The following SMG1 variants were observed in gnomAD, a reference collection of about 807,000 sequenced individuals.
The protein encoded by SMG1 is SMG1 nonsense mediated mRNA decay associated PI3K related kinase, also known as serine/threonine-protein kinase SMG1.
Under a neutral mutation model 419.9 loss-of-function variants are expected in SMG1, and 22 were observed. The observed-to-expected ratio is 0.05, with a 90% CI of 0.04 to 0.07. The LOEUF (loss-of-function observed/expected upper bound fraction) is 0.07. Ranked by LOEUF, SMG1 falls within the 10% of genes least tolerant of loss-of-function variation. The pLI is 1.00. For synonymous variants in SMG1, 1,538 were observed against 1,553.5 expected (o/e 0.99, Z 0.23); for missense variants, 3,185 against 4,342.0 (o/e 0.73, Z 7.49).
chr16:18,895,183 A>G (rs1471528881), intron 3 of SMG1, among the ~76,000 whole-genome samples: 3 of 152,150 alleles, frequency 2.0e-5, no homozygotes, highest in Non-Finnish European at 4.4e-5. Flanking sequence ...AAATGCTATC[A>G]GTGTATTTAA....
At chr16:18,906,267 G>A (rs2037557653) in intron 1 of SMG1, among the ~76,000 whole-genome samples, 1 of 152,100 alleles carries the variant, frequency 6.6e-6, no homozygotes, top group Non-Finnish European at 1.5e-5. Flanking sequence ...TGGATCACTT[G>A]AGGTCAGGAG....
In SMG1 at chr16:18,806,475, A is replaced by C. The variant is rs2030847307; in HGVS notation, c.*3094T>G. The stretch of plus-strand genomic sequence containing the variant: ...GTGTCAGACACAAAAGAATCTTAAT[A>C]ATCATCTAGCAAACTACACTAAGAA... On this transcript the variant is annotated 3_prime_UTR_variant, in exon 63 of 63. Transcript: ENST00000446231. The C allele has an allele frequency of 6.6e-6, 1 of 152,458 alleles. No homozygotes were observed. The highest frequency in any genetic ancestry group is 1.5e-5 in the Non-Finnish European group (1 of 68,036). The allele number at this position is 152,458 out of a possible 1,614,324, so 9.4% of individuals were successfully genotyped here. A position where few individuals can be genotyped will look rare whatever the true frequency, so the allele number is the denominator to read the frequency against.
intron 39 of SMG1, among the ~76,000 whole-genome samples, chr16:18,844,760 GA>G (rs762901026): frequency 3.4e-4 from 52 of 152,166 alleles, no homozygotes; most frequent in Middle Eastern, 3.4e-3. Context: ...ATTCAGTAAG[GA>G]AATCAGTTAG....
At chr16:18,810,095 G>A (rs1038943935) in intron 62 of SMG1, among the ~76,000 whole-genome samples, 1 of 152,016 alleles carries the variant, frequency 6.6e-6, no homozygotes, top group Non-Finnish European at 1.5e-5. Context: ...AATTACGGAT[G>A]CCAAACCATG....
chr16:18,887,971 G>A (rs903292956), intron 6 of SMG1, among the ~76,000 whole-genome samples: 97 of 151,060 alleles, frequency 6.4e-4, no homozygotes, highest in Middle Eastern at 3.2e-3. Context: ...TTCAAGACCA[G>A]CATGGCCAGC....
rs965235631 is a variant in SMG1, at chr16:18,916,286, T to C, written c.92+9664A>G. Reference sequence around the variant, plus strand: ...ATCCCAGCACTTTGGGAGGCCAAGGTGGGCGGATCACGAGGTCAGGAGATC... The same window carrying C: ...ATCCCAGCACTTTGGGAGGCCAAGGCGGGCGGATCACGAGGTCAGGAGATC... On this transcript the variant is annotated intron_variant, in intron 1 of 62. Coordinates refer to ENST00000446231, the MANE Select transcript of SMG1 (RefSeq NM_015092.5). 3.1e-4 allele frequency among the ~76,000 whole-genome samples: 47 copies of C among 151,192 alleles called. 1 individual carries two copies. Among genetic ancestry groups the C allele is most frequent in the Non-Finnish European group, 5.0e-4 (34 of 67,754 alleles).
chr16:18,858,895 T>C (rs375283034), intron 28 of SMG1, 127 bp downstream of exon 28: 1 of 705,884 alleles, frequency 1.4e-6, no homozygotes, highest in Middle Eastern at 4.1e-4. Flanking sequence ...AACAGCATGT[T>C]AGATTTCTGG....
chr16:18,859,794 T>C, intron 26 of SMG1, 91 bp from the exon 27 acceptor site: 1 of 802,870 alleles, frequency 1.2e-6, no homozygotes, highest in South Asian at 1.9e-5. Context: ...TAATCACCAA[T>C]GAACAGCTCC....
chr16:18,849,424 T>C, intron 35 of SMG1, 46 bp from the exon 36 acceptor site: 1 of 1,541,322 alleles, frequency 6.5e-7, no homozygotes, highest in South Asian at 1.2e-5. Flanking sequence ...TATTTAAAAC[T>C]ATGAAGAAAC....
chr16:18,850,503 TAC>T, intron 33 of SMG1, 36 bp from the exon 34 acceptor site: 2 of 1,451,052 alleles, frequency 1.4e-6, no homozygotes, highest in Non-Finnish European at 1.9e-6. Flanking sequence ...CTATTTTAAA[TAC>T]AAACTGAAAA....
chr16:18,852,027 T>A, intron 33 of SMG1, 40 bp downstream of exon 33: 1 of 1,555,034 alleles, frequency 6.4e-7, no homozygotes, highest in Non-Finnish European at 8.7e-7. Context: ...ATCAATGATT[T>A]GGAGTAGCAA....
rs1373522513 is a variant in SMG1 at position 18,870,729 on chromosome 16, A to G, written c.2391-18T>C. ...CGACACATCTATGAAAGAACGAAAT[A>G]GACAAAGCAGGTGTGTTAACATTTC... On this transcript the variant is annotated intron_variant, in intron 17 of 62. Coordinates refer to ENST00000446231, the MANE Select transcript of SMG1 (RefSeq NM_015092.5). 1.3e-6 allele frequency: 2 copies of G among 1,591,754 alleles called. No homozygotes were observed.
Position 18,816,373 on chromosome 16 carries a change from T to G in SMG1, c.10231A>C (p.Ile3411Leu), listed in dbSNP as rs374352490. 1.2e-6 allele frequency: 2 copies of G among 1,614,002 alleles called. No homozygotes were observed. Among genetic ancestry groups the G allele is most frequent in the South Asian group, 2.2e-5 (2 of 91,084 alleles). Residue 3411 changes from isoleucine (I) to leucine (L), a missense_variant, in exon 58 of 63, where the codon ATA becomes CTA. Physicochemically the swap from Ile to Leu is conservative, Grantham distance 5. Coordinates refer to ENST00000446231, the MANE Select transcript of SMG1 (RefSeq NM_015092.5). ...CETIQNLVDN[I>L]KTVLTGHNRQ... ...TTATGACCAGTGAGCACAGTCTTTA[T>G]ATTATCAACCAGATTCTGAATTGTT...
chr16:18,902,596 T>G (rs1567446739), intron 1 of SMG1, among the ~76,000 whole-genome samples: 1 of 151,606 alleles, frequency 6.6e-6, no homozygotes, highest in East Asian at 1.9e-4. Flanking sequence ...GCAACTCAGG[T>G]GGCTGACGTA....
At chr16:18,889,973 G>T (rs1159408209) in intron 5 of SMG1, among the ~76,000 whole-genome samples, 1 of 152,122 alleles carries the variant, frequency 6.6e-6, no homozygotes, top group Non-Finnish European at 1.5e-5. Context: ...ATAAAAAATG[G>T]TAATAGTTAA....
chr16:18,862,880 C>A (rs538147999), intron 25 of SMG1, among the ~76,000 whole-genome samples: 1 of 152,238 alleles, frequency 6.6e-6, no homozygotes, highest in African/African-American at 2.4e-5. Context: ...ATTCTCACAT[C>A]AGGTCTAGGG....
At chr16:18,910,495 G>A (rs1224410466) in intron 1 of SMG1, among the ~76,000 whole-genome samples, 1 of 151,864 alleles carries the variant, frequency 6.6e-6, no homozygotes, top group Non-Finnish European at 1.5e-5. Context: ...CTCCCAAAGT[G>A]CTGGGATTAC....
chr16:18,896,811 T>C lies in SMG1; in HGVS notation c.238A>G (p.Ile80Val), dbSNP rs2037148509. The stretch of plus-strand genomic sequence containing the variant: ...TATATACCCTTTTCGTCATTCTGTA[T>C]GTCAGCGTGGACTCTGGTATCATCG... ...RHDDTRVHAD[I>V]QNDEKGGYSV... is the part of the protein sequence containing the mutation. Residue 80 changes from isoleucine (I) to valine (V), a missense_variant, in exon 2 of 63, where the codon ATA becomes GTA. This residue lies in a region of SMG1 where 42 missense variants were observed against 100.1 expected (regional missense o/e 0.42). Transcript: ENST00000446231. The C allele has an allele frequency of 6.2e-7, 1 of 1,607,558 alleles. No homozygotes were observed. The highest frequency in any genetic ancestry group is 8.5e-7 in the Non-Finnish European group (1 of 1,176,644).
intron 10 of SMG1, 64 bp from the exon 11 acceptor site, chr16:18,879,783 T>A (rs1288382565): frequency 5.2e-6 from 6 of 1,164,716 alleles, no homozygotes; most frequent in Non-Finnish European, 7.4e-6. Context: ...AGCAAGAAAA[T>A]ACTTTTTATT....
Sources: allele counts gnomAD v4.1 joint callset (sites outside exome capture counted in the v4.1 genomes callset), GRCh38; gene constraint gnomAD v4.1.1; regional missense constraint gnomAD v4.1.1; transcripts MANE v1.5; gene names NCBI Gene and HGNC (gene_info 2026-07-23, HGNC 2026-07-21).